FLT1: variants seen among roughly 807,000 people sequenced by gnomAD.
The protein encoded by FLT1 is vascular endothelial growth factor receptor 1.
FLT1 carries 49 observed loss-of-function variants against 156.3 expected under a neutral mutation model. The ratio of observed to expected loss-of-function variants is 0.31; its 90% CI spans 0.25 to 0.40. FLT1 has a LOEUF of 0.40. FLT1 is among the 10% of genes least tolerant of loss of function. The pLI, the probability that FLT1 is intolerant of heterozygous loss-of-function variation, is 1.00. For missense variants in FLT1, 1,322 were observed against 1,637.2 expected (o/e 0.81, Z 3.32); for synonymous variants, 594 against 583.8 (o/e 1.02, Z -0.25).
At chr13:28,478,756 T>C (rs1880686514) in intron 1 of FLT1, among the ~76,000 whole-genome samples, 1 of 152,164 alleles carries the variant, frequency 6.6e-6, no homozygotes, top group Non-Finnish European at 1.5e-5. Context: ...TTTTGTATAA[T>C]AAAATGAATA....
chr13:28,323,507 C>T lies in FLT1; in HGVS notation c.2797-561G>A, dbSNP rs149049480. Among the ~76,000 whole-genome samples the T allele has an allele frequency of 8.0e-3, 1,209 of 152,004 alleles. 21 individuals carry two copies. The highest frequency in any genetic ancestry group is 0.028 in the African/African-American group (1,156 of 41,440). On this transcript the variant is annotated intron_variant, in intron 20 of 29. Coordinates refer to ENST00000282397, the MANE Select transcript of FLT1 (RefSeq NM_002019.4). ...TCTCTACTGAAAATACAAAATTAGC[C>T]GGGCATGGTGGTGCATGCCTGTAAT...
chr13:28,456,478 C>A (rs1223316572), intron 3 of FLT1, among the ~76,000 whole-genome samples: 5 of 151,960 alleles, frequency 3.3e-5, no homozygotes, highest in Non-Finnish European at 7.4e-5. Context: ...CTGGAAAAGG[C>A]AAAACTATGG....
intron 14 of FLT1, among the ~76,000 whole-genome samples, chr13:28,370,460 G>A (rs1283685285): frequency 1.3e-5 from 2 of 152,092 alleles, no homozygotes; most frequent in African/African-American, 2.4e-5. Flanking sequence ...AAAACTTAAA[G>A]TATAATAAAA....
chr13:28,345,781 T>G (rs191971821), intron 15 of FLT1: 1 of 421,486 alleles, frequency 2.4e-6, no homozygotes, highest in East Asian at 3.7e-5. Flanking sequence ...TGAACTCACA[T>G]AGAAAAGGCT....
chr13:28,355,126 C>A (rs190044971), intron 15 of FLT1, among the ~76,000 whole-genome samples: 11 of 152,292 alleles, frequency 7.2e-5, no homozygotes, highest in African/African-American at 2.6e-4. Context: ...TCCTAAGGCA[C>A]CTCAGGAATG....
chr13:28,386,478 G>A (rs1204449133), intron 13 of FLT1: 1 of 1,047,334 alleles, frequency 9.5e-7, no homozygotes, highest in African/African-American at 1.7e-5. Context: ...AAAGTGTGCT[G>A]AAGGAAGTGC....
At chr13:28,492,985 C>T (rs1593856565) in intron 1 of FLT1, among the ~76,000 whole-genome samples, 1 of 152,054 alleles carries the variant, frequency 6.6e-6, no homozygotes, top group Non-Finnish European at 1.5e-5. Context: ...AAACTGCTGC[C>T]CCATTTAAGT....
At chr13:28,402,822 C>G (rs984298543) in intron 11 of FLT1, among the ~76,000 whole-genome samples, 7 of 152,166 alleles carry the variant, frequency 4.6e-5, no homozygotes, top group African/African-American at 1.7e-4. Flanking sequence ...CAGAGTCTCA[C>G]TCTGTCACCC....
At chr13:28,339,698 T>C (rs1872258040) in intron 16 of FLT1, among the ~76,000 whole-genome samples, 1 of 152,216 alleles carries the variant, frequency 6.6e-6, no homozygotes, top group Non-Finnish European at 1.5e-5. Context: ...TAAGCAGGAA[T>C]ATATATTACA....
intron 17 of FLT1, among the ~76,000 whole-genome samples, chr13:28,338,592 C>T (rs947275786): frequency 6.6e-6 from 1 of 152,092 alleles, no homozygotes; most frequent in Non-Finnish European, 1.5e-5. Context: ...TAAATGATTC[C>T]CCTAGGGCTT....
In FLT1 at chr13:28,495,024, C is replaced by A. The variant is rs911333012; in HGVS notation, c.-181G>T. On this transcript the variant is annotated 5_prime_UTR_variant, in exon 1 of 30. Transcript: ENST00000282397. The surrounding 1 kb of genome is among the most constrained non-coding windows in gnomAD (Gnocchi z 4.1). The stretch of plus-strand genomic sequence containing the variant: ...TCCTCGCCGCCAGGCGCCCGCTGGC[C>A]GCTGCACCCGAGCCCCGGAGCCCGC... The A allele has an allele frequency of 6.0e-6, 3 of 500,860 alleles. No individual in the cohort carries two copies. The highest frequency in any genetic ancestry group is 1.0e-5 in the Non-Finnish European group (3 of 293,134). The allele number at this position is 500,860 out of a possible 1,614,324, so 31.0% of individuals were successfully genotyped here.
chr13:28,365,218 T>G (rs538565362), intron 14 of FLT1, among the ~76,000 whole-genome samples: 4 of 152,350 alleles, frequency 2.6e-5, no homozygotes, highest in Non-Finnish European at 5.9e-5. Flanking sequence ...TATCATGCTT[T>G]TCTTTAGTTA....
At chr13:28,473,673 G>GAAAGAAAGAAAGAAAGAA (rs751712799) in intron 1 of FLT1, among the ~76,000 whole-genome samples, 4 of 105,972 alleles carry the variant, frequency 3.8e-5, no homozygotes, top group African/African-American at 1.5e-4. Context: ...AAGAAAGAAA[G>GAAAGAAAGAAAGAAAGAA]AGAGAGAGAG....
intron 10 of FLT1, among the ~76,000 whole-genome samples, chr13:28,415,737 T>C (rs182560599): frequency 3.7e-4 from 56 of 152,314 alleles, no homozygotes; most frequent in African/African-American, 1.3e-3. Context: ...CTTGGGTGAT[T>C]GACCATTTGA....
At chr13:28,404,596 A>G (rs1402907769) in intron 11 of FLT1, among the ~76,000 whole-genome samples, 2 of 152,232 alleles carry the variant, frequency 1.3e-5, no homozygotes, top group Non-Finnish European at 2.9e-5. Flanking sequence ...GTACGGCTGA[A>G]TAGATGACAT....
rs1398672283 is a variant in FLT1, at chr13:28,396,950, T to C, written c.1660+10A>G. 2 of 1,478,574 alleles carry C rather than the reference T, an allele frequency of 1.4e-6. No homozygotes were observed. Among genetic ancestry groups the C allele is most frequent in the East Asian group, 2.3e-5 (1 of 44,264 alleles). The allele number at this position is 1,478,574 out of a possible 1,614,324, so 91.6% of individuals were successfully genotyped here. On this transcript the variant is annotated intron_variant, in intron 12 of 29. Transcript: ENST00000282397. ...CCAGGCTGTCTCTGGTTATAGGATG[T>C]GTGGCTTACCTGTGATATAAAAGCT...
chr13:28,475,480 A>C (rs998422478), intron 1 of FLT1, among the ~76,000 whole-genome samples: 3 of 152,152 alleles, frequency 2.0e-5, no homozygotes, highest in African/African-American at 7.2e-5. Flanking sequence ...GCCTTTTACA[A>C]AGGTTGTTCG....
chr13:28,373,658 A>T, intron 14 of FLT1, among the ~76,000 whole-genome samples: 1 of 152,184 alleles, frequency 6.6e-6, no homozygotes, highest in East Asian at 1.9e-4. Flanking sequence ...AAGGGAGTGT[A>T]TGAGTTTTCC....
At chr13:28,417,577 GTGAGA>G (rs1358343524) in intron 10 of FLT1, among the ~76,000 whole-genome samples, 1 of 152,086 alleles carries the variant, frequency 6.6e-6, no homozygotes, top group Non-Finnish European at 1.5e-5. Flanking sequence ...TTAAGTAGCT[GTGAGA>G]TGAGATAACT....
Sources: gnomAD v4.1 joint callset for allele counts (sites outside exome capture counted in the v4.1 genomes callset) on GRCh38, gnomAD v4.1.1 for gene constraint, Gnocchi (gnomAD v3.1) non-coding constraint, MANE v1.5 for transcripts, NCBI Gene and HGNC (gene_info 2026-07-23, HGNC 2026-07-21) for gene names.